LNPEP: variants seen among roughly 807,000 people sequenced by gnomAD.
The protein encoded by LNPEP is leucyl-cystinyl aminopeptidase.
LNPEP carries 64 observed loss-of-function variants against 120.6 expected under a neutral mutation model. The observed-to-expected ratio is 0.53, with a 90% confidence interval of 0.43 to 0.65. The LOEUF is 0.65. Among genes scored for constraint, LNPEP ranks in the 30% least tolerant of loss-of-function variants. The pLI is 0.00. For missense variants in LNPEP, 1,057 were observed against 1,200.0 expected, an observed-to-expected ratio of 0.88 and a Z score of 1.76; for synonymous variants, 435 against 425.4, an observed-to-expected ratio of 1.02 and a Z score of -0.28.
intron 2 of LNPEP, among the ~76,000 whole-genome samples, chr5:96,984,071 T>G (rs1790185472): frequency 6.6e-6 from 1 of 152,174 alleles, no homozygotes; most frequent in Admixed American, 6.5e-5. Flanking sequence ...ACCCCCAGTT[T>G]CTGCACATGC....
chr5:96,939,493 C>A (rs1402231214), intron 1 of LNPEP, among the ~76,000 whole-genome samples: 1 of 152,082 alleles, frequency 6.6e-6, no homozygotes. Flanking sequence ...AGGCATGAGC[C>A]ACCGCGCCCA....
intron 1 of LNPEP, among the ~76,000 whole-genome samples, chr5:96,957,723 G>A (rs1789504203): frequency 6.6e-6 from 1 of 152,150 alleles, no homozygotes. Flanking sequence ...ATACAGCACT[G>A]TTGCTATCTT....
Position 97,028,650 on chromosome 5 carries a change from T to A in LNPEP, c.*117T>A. On this transcript the variant is annotated 3_prime_UTR_variant, in exon 18 of 18. Transcript: ENST00000231368. ...TCGCTGCCAAGTTGTTTGCACTCTT[T>A]GGAGTTCTAGTTAGCTCAGGGCCTG... The A allele has an allele frequency of 9.5e-7, 1 of 1,056,204 alleles. No homozygotes were observed. Among genetic ancestry groups the A allele is most frequent in the South Asian group, 1.4e-5 (1 of 70,346 alleles). The allele number at this position is 1,056,204 out of a possible 1,614,324, so 65.4% of individuals were successfully genotyped here.
At chr5:97,008,051 G>A (rs970307574) in intron 11 of LNPEP, among the ~76,000 whole-genome samples, 24 of 152,114 alleles carry the variant, frequency 1.6e-4, no homozygotes, top group Non-Finnish European at 2.9e-4. Context: ...ATAGCTGGAA[G>A]TACAAGGAAT....
At chr5:97,022,235 G>T (rs905885090) in intron 13 of LNPEP, 65 bp from the exon 14 acceptor site, 3 of 1,037,024 alleles carry the variant, frequency 2.9e-6, no homozygotes, top group Non-Finnish European at 4.3e-6. Flanking sequence ...GGCTGTAATT[G>T]TCCTGTTTTT....
intron 8 of LNPEP, among the ~76,000 whole-genome samples, chr5:97,000,174 A>G (rs974969833): frequency 1.5e-4 from 23 of 152,314 alleles, no homozygotes; most frequent in African/African-American, 5.3e-4. Flanking sequence ...AAGCATGATA[A>G]GGGAAATGAG....
At chr5:96,950,152 GAAAGGAA>G (rs1473444363) in intron 1 of LNPEP, among the ~76,000 whole-genome samples, 2 of 152,186 alleles carry the variant, frequency 1.3e-5, no homozygotes, top group Non-Finnish European at 1.5e-5. Context: ...GTGTTAGAGG[GAAAGGAA>G]GATGATGTGG....
At position 97,030,178 on chromosome 5, in the gene LNPEP, T is replaced by C. The variant is rs1791440414; in HGVS notation, c.*1645T>C. On this transcript the variant is annotated 3_prime_UTR_variant, in exon 18 of 18. Coordinates refer to ENST00000231368, the MANE Select transcript of LNPEP (RefSeq NM_005575.3). ...GGCTGGTAAGCTAAAAAAATAGTCT[T>C]CTTTAATCCTAGTGTGTTTTCCCCA... The C allele has an allele frequency of 6.6e-6, 1 of 152,006 alleles. No homozygotes were observed. The highest frequency in any genetic ancestry group is 1.5e-5 in the Non-Finnish European group (1 of 67,980). 9.4% of individuals were successfully genotyped at this position (152,006 alleles called of 1,614,324 possible). A position where few individuals can be genotyped will look rare whatever the true frequency, so the allele number is the denominator to read the frequency against.
intron 11 of LNPEP, among the ~76,000 whole-genome samples, chr5:97,013,342 G>T (rs1416732394): frequency 3.3e-5 from 5 of 152,112 alleles, no homozygotes; most frequent in Admixed American, 2.6e-4. Context: ...AATAGCGCTT[G>T]TATGATATTG....
At position 97,028,774 on chromosome 5, in the gene LNPEP, CA is replaced by C. The variant is rs950194221; in HGVS notation, c.*243del. 1 of 348,736 alleles carries C rather than the reference CA, an allele frequency of 2.9e-6. No individual in the cohort carries two copies. The highest frequency in any genetic ancestry group is 5.3e-6 in the Non-Finnish European group (1 of 189,534). 21.6% of individuals were successfully genotyped at this position (348,736 alleles called of 1,614,324 possible). ...CCTAAATGCCAACCATCTACAAAAA[CA>C]ATGAGTAATTTTTCTACTTTGAAGA... On this transcript the variant is annotated 3_prime_UTR_variant, in exon 18 of 18. Transcript: ENST00000231368.
chr5:96,997,507 G>C (rs558028046), intron 7 of LNPEP, among the ~76,000 whole-genome samples: 2 of 152,202 alleles, frequency 1.3e-5, no homozygotes, highest in African/African-American at 4.8e-5. Flanking sequence ...GAGCTCATCT[G>C]CTGAGCTCTT....
chr5:96,977,235 GA>G (rs1790019528), intron 1 of LNPEP, among the ~76,000 whole-genome samples: 1 of 151,482 alleles, frequency 6.6e-6, no homozygotes, highest in Non-Finnish European at 1.5e-5. Context: ...AAAGACAAAG[GA>G]AAAACAAAAA....
At chr5:96,954,743 T>TAC (rs1246873589) in intron 1 of LNPEP, among the ~76,000 whole-genome samples, 2 of 80,666 alleles carry the variant, frequency 2.5e-5, no homozygotes, top group African/African-American at 9.7e-5. Flanking sequence ...TACATATATA[T>TAC]ATACACATAT....
intron 3 of LNPEP, 83 bp downstream of exon 3, chr5:96,985,301 C>A (rs1790215367): frequency 1.8e-6 from 2 of 1,141,830 alleles, no homozygotes; most frequent in South Asian, 3.3e-5. Flanking sequence ...TGCCAGACTA[C>A]AGTTGAGAAT....
Position 96,945,347 on chromosome 5 carries a change from A to G in LNPEP, c.19+9173A>G, listed in dbSNP as rs567601721. 2.2e-4 allele frequency among the ~76,000 whole-genome samples: 33 copies of G among 151,094 alleles called. No homozygotes were observed. The East Asian group carries it at 6.1e-3, about 28-fold the overall frequency. On this transcript the variant is annotated intron_variant, in intron 1 of 17. Coordinates refer to ENST00000231368, the MANE Select transcript of LNPEP (RefSeq NM_005575.3). Reference sequence around the variant, plus strand: ...ATCACTTGAGCCTGGGCAAAGTGGAAGTGAGCTGTGGTCATGCCACTGCAC... The same window carrying G: ...ATCACTTGAGCCTGGGCAAAGTGGAGGTGAGCTGTGGTCATGCCACTGCAC...
At chr5:96,993,217 G>A in intron 5 of LNPEP, 82 bp downstream of exon 5, 1 of 1,064,656 alleles carries the variant, frequency 9.4e-7, no homozygotes, top group South Asian at 1.9e-5. Flanking sequence ...AAGAGGTTCT[G>A]CCCAAGTTGT....
chr5:96,945,269 G>A (rs116796700), intron 1 of LNPEP, among the ~76,000 whole-genome samples: 3 of 151,870 alleles, frequency 2.0e-5, no homozygotes, highest in African/African-American at 7.2e-5. Context: ...AATTAGTCAG[G>A]TGTGATGGTA....
intron 8 of LNPEP, among the ~76,000 whole-genome samples, chr5:97,001,777 A>G (rs1790658049): frequency 6.6e-6 from 1 of 152,156 alleles, no homozygotes; most frequent in Admixed American, 6.5e-5. Context: ...AATGCTATCA[A>G]TAGGTTGATA....
chr5:96,961,363 C>T (rs886986798), intron 1 of LNPEP, among the ~76,000 whole-genome samples: 8 of 152,162 alleles, frequency 5.3e-5, no homozygotes, highest in Non-Finnish European at 1.0e-4. Flanking sequence ...CTATCTTCCT[C>T]TAGAGAAGTT....
Sources: allele counts gnomAD v4.1 joint callset (sites outside exome capture counted in the v4.1 genomes callset), GRCh38; gene constraint gnomAD v4.1.1; transcripts MANE v1.5; gene names NCBI Gene and HGNC (gene_info 2026-07-23, HGNC 2026-07-21).